Variants in SPTLC3 observed in about 807,000 individuals in gnomAD.
The protein encoded by SPTLC3 is serine palmitoyltransferase 3.
SPTLC3 carries 36 observed loss-of-function variants against 59.3 expected under a neutral mutation model. The ratio of observed to expected loss-of-function variants is 0.61; its 90% confidence interval spans 0.47 to 0.80. The LOEUF (loss-of-function observed/expected upper bound fraction) is 0.80, where lower values mean the gene tolerates loss of function less well. SPTLC3 is among the 30% of genes least tolerant of loss of function. SPTLC3 has a pLI of 0.00. For missense variants in SPTLC3, 625 were observed against 685.1 expected, an observed-to-expected ratio of 0.91 and a Z score of 0.98; for synonymous variants, 257 against 240.8, an observed-to-expected ratio of 1.07 and a Z score of -0.62.
chr20:13,146,367 C>T (rs189778691), intron 9 of SPTLC3, among the ~76,000 whole-genome samples: 35 of 152,126 alleles, frequency 2.3e-4, no homozygotes, highest in Non-Finnish European at 4.3e-4. Flanking sequence ...GTACAACAAA[C>T]CCCCACGACA....
At chr20:13,104,431 G>A (rs1340456559) in intron 6 of SPTLC3, among the ~76,000 whole-genome samples, 1 of 152,158 alleles carries the variant, frequency 6.6e-6, no homozygotes, top group African/African-American at 2.4e-5. Flanking sequence ...CCACTCTCTC[G>A]TCTGCCATCA....
At chr20:13,122,043 A>C (rs1305094104) in intron 8 of SPTLC3, among the ~76,000 whole-genome samples, 2 of 152,188 alleles carry the variant, frequency 1.3e-5, no homozygotes, top group African/African-American at 2.4e-5. Context: ...CCAAGCTAAG[A>C]GACAATTGCT....
chr20:13,016,896 C>A (rs1985552855), intron 1 of SPTLC3, among the ~76,000 whole-genome samples: 1 of 152,128 alleles, frequency 6.6e-6, no homozygotes, highest in Non-Finnish European at 1.5e-5. Flanking sequence ...CACAGCATTC[C>A]TATGAGGTAT....
At chr20:13,136,515 A>G (rs2038247329) in intron 9 of SPTLC3, among the ~76,000 whole-genome samples, 1 of 151,712 alleles carries the variant, frequency 6.6e-6, no homozygotes, top group Admixed American at 6.6e-5. Context: ...TGGGAGGATC[A>G]CTTGACCCTA....
intron 9 of SPTLC3, among the ~76,000 whole-genome samples, chr20:13,130,986 C>T (rs1421939365): frequency 2.0e-5 from 3 of 152,174 alleles, no homozygotes; most frequent in African/African-American, 4.8e-5. Flanking sequence ...ATTGGTTCCA[C>T]ACCAGTTGTG....
chr20:13,146,759 T>C (rs2038519825), intron 9 of SPTLC3, among the ~76,000 whole-genome samples: 1 of 152,212 alleles, frequency 6.6e-6, no homozygotes, highest in Non-Finnish European at 1.5e-5. Flanking sequence ...GCCTTGCTCC[T>C]GTACATAGTG....
chr20:13,141,862 G>A (rs1205314911), intron 9 of SPTLC3, among the ~76,000 whole-genome samples: 1 of 152,212 alleles, frequency 6.6e-6, no homozygotes, highest in Admixed American at 6.5e-5. Flanking sequence ...GGGCAAAAAA[G>A]TTCTACCTGG....
chr20:13,086,467 G>A (rs983010923), intron 4 of SPTLC3, among the ~76,000 whole-genome samples: 4 of 152,172 alleles, frequency 2.6e-5, no homozygotes, highest in African/African-American at 9.7e-5. Context: ...GCCATCCTAG[G>A]AATCTTTCAG....
At chr20:13,124,703 C>G (rs889152835) in intron 8 of SPTLC3, among the ~76,000 whole-genome samples, 2 of 152,148 alleles carry the variant, frequency 1.3e-5, no homozygotes, top group African/African-American at 2.4e-5. Context: ...CACTGTAAGG[C>G]AGGCCACACA....
chr20:13,028,452 C>T (rs980252470), intron 1 of SPTLC3, among the ~76,000 whole-genome samples: 1 of 152,126 alleles, frequency 6.6e-6, no homozygotes, highest in African/African-American at 2.4e-5. Context: ...CCCTTATCCA[C>T]TATCACTATC....
intron 8 of SPTLC3, among the ~76,000 whole-genome samples, chr20:13,122,834 C>T (rs1028112609): frequency 6.6e-6 from 1 of 152,112 alleles, no homozygotes; most frequent in Admixed American, 6.5e-5. Flanking sequence ...TGCCACCCCT[C>T]CCCATAAGGA....
chr20:13,140,528 G>C (rs1026216619), intron 9 of SPTLC3, among the ~76,000 whole-genome samples: 1 of 152,020 alleles, frequency 6.6e-6, no homozygotes, highest in African/African-American at 2.4e-5. Context: ...ATATGATTCC[G>C]ATTAACATCA....
At chr20:13,079,815 C>A (rs2122590993) in intron 4 of SPTLC3, 2 of 467,094 alleles carry the variant, frequency 4.3e-6, no homozygotes, top group South Asian at 1.6e-5. Context: ...GACTCAGTGC[C>A]ACAGGGGCCA....
chr20:13,068,484 G>A (rs1988313092), intron 2 of SPTLC3, among the ~76,000 whole-genome samples: 1 of 152,176 alleles, frequency 6.6e-6, no homozygotes, highest in African/African-American at 2.4e-5. Context: ...ATTGACCTTT[G>A]GAAGGCGTTG....
chr20:13,162,579 A>G (rs1453221336), intron 11 of SPTLC3, among the ~76,000 whole-genome samples: 3 of 152,170 alleles, frequency 2.0e-5, no homozygotes, highest in Admixed American at 6.5e-5. Context: ...TAGAAATAAT[A>G]TTAGACAAAT....
intron 6 of SPTLC3, among the ~76,000 whole-genome samples, chr20:13,108,660 C>T (rs994160241): frequency 6.6e-6 from 1 of 150,686 alleles, no homozygotes; most frequent in Non-Finnish European, 1.5e-5. Context: ...CTGCAACATC[C>T]GTCTCCTGGG....
chr20:13,141,661 A>C (rs1462617553), intron 9 of SPTLC3, among the ~76,000 whole-genome samples: 1 of 152,212 alleles, frequency 6.6e-6, no homozygotes, highest in Non-Finnish European at 1.5e-5. Flanking sequence ...CTGATTTCTA[A>C]ATACATTTGC....
At chr20:13,066,754 A>T (rs1274058895) in intron 2 of SPTLC3, among the ~76,000 whole-genome samples, 1 of 151,372 alleles carries the variant, frequency 6.6e-6, no homozygotes, top group Non-Finnish European at 1.5e-5. Flanking sequence ...TCCTTCTTAC[A>T]CTTTGCCTTC....
At chr20:13,150,864 T>C (rs986774468) in intron 9 of SPTLC3, among the ~76,000 whole-genome samples, 2 of 152,236 alleles carry the variant, frequency 1.3e-5, no homozygotes, top group East Asian at 3.8e-4. Flanking sequence ...TTTGTGTGGT[T>C]AGTACTTGCT....
Sources: gnomAD v4.1 joint callset for allele counts (sites outside exome capture counted in the v4.1 genomes callset) on GRCh38, gnomAD v4.1.1 for gene constraint, MANE v1.5 for transcripts, NCBI Gene and HGNC (gene_info 2026-07-23, HGNC 2026-07-21) for gene names.